CACNA2D3: variants seen among roughly 807,000 people sequenced by gnomAD.
The protein encoded by CACNA2D3 is voltage-dependent calcium channel subunit alpha-2/delta-3.
CACNA2D3 carries 60 observed loss-of-function variants against 160.6 expected under a neutral mutation model. That is an observed-to-expected ratio of 0.37 (90% CI 0.30 to 0.46). The LOEUF is 0.46. Among genes scored for constraint, CACNA2D3 ranks in the 20% least tolerant of loss-of-function variants. The pLI is 1.00. For synonymous variants in CACNA2D3, 558 were observed against 492.9 expected, an observed-to-expected ratio of 1.13 and a Z score of -1.75; for missense variants, 1,205 against 1,365.0, an observed-to-expected ratio of 0.88 and a Z score of 1.85.
At chr3:54,729,163 C>T (rs922877178) in intron 11 of CACNA2D3, among the ~76,000 whole-genome samples, 6 of 152,086 alleles carry the variant, frequency 3.9e-5, no homozygotes, top group Admixed American at 2.0e-4. Context: ...TCATGTGATC[C>T]ACCCGCCTCG....
At chr3:54,998,568 C>G (rs1389251950) in intron 31 of CACNA2D3, among the ~76,000 whole-genome samples, 1 of 152,120 alleles carries the variant, frequency 6.6e-6, no homozygotes, top group Non-Finnish European at 1.5e-5. Context: ...TGATTTGGTG[C>G]CAACAGACCC....
At chr3:54,462,942 C>T (rs1023541565) in intron 4 of CACNA2D3, among the ~76,000 whole-genome samples, 4 of 149,890 alleles carry the variant, frequency 2.7e-5, no homozygotes, top group African/African-American at 9.8e-5. Context: ...TTTAGTGCTT[C>T]CTTCAGGAGC....
At chr3:54,166,308 A>G (rs547133201) in intron 2 of CACNA2D3, among the ~76,000 whole-genome samples, 2 of 152,204 alleles carry the variant, frequency 1.3e-5, no homozygotes, top group Non-Finnish European at 2.9e-5. Context: ...TATTCTCCCG[A>G]GGCTGACAGC....
intron 31 of CACNA2D3, among the ~76,000 whole-genome samples, chr3:54,989,645 T>G (rs971883448): frequency 6.6e-6 from 1 of 152,184 alleles, no homozygotes; most frequent in Non-Finnish European, 1.5e-5. Flanking sequence ...TGACAATAAT[T>G]ACTTCCAAGG....
intron 9 of CACNA2D3, among the ~76,000 whole-genome samples, chr3:54,615,695 G>A (rs191367664): frequency 1.3e-5 from 2 of 152,154 alleles, no homozygotes; most frequent in Non-Finnish European, 2.9e-5. Context: ...GAGTATATTA[G>A]TTATCTGCTG....
At chr3:54,262,064 T>C (rs1254586703) in intron 2 of CACNA2D3, among the ~76,000 whole-genome samples, 5 of 152,160 alleles carry the variant, frequency 3.3e-5, no homozygotes, top group African/African-American at 1.2e-4. Context: ...GATTTTTTGC[T>C]GCTGCTCTCT....
At chr3:54,495,796 G>C (rs1701193695) in intron 4 of CACNA2D3, among the ~76,000 whole-genome samples, 1 of 152,112 alleles carries the variant, frequency 6.6e-6, no homozygotes, top group Admixed American at 6.5e-5. Flanking sequence ...ACTCCAGGAA[G>C]CTCTGTTGTG....
intron 27 of CACNA2D3, among the ~76,000 whole-genome samples, chr3:54,951,616 G>C (rs1455066878): frequency 1.3e-5 from 2 of 152,184 alleles, no homozygotes; most frequent in African/African-American, 4.8e-5. Flanking sequence ...CCACAGGGCG[G>C]CTGGCTCTGA....
intron 4 of CACNA2D3, among the ~76,000 whole-genome samples, chr3:54,485,792 G>T (rs1701006711): frequency 6.6e-6 from 1 of 152,132 alleles, no homozygotes. Context: ...TTGAACTCCT[G>T]ACCTCAATTG....
chr3:55,073,209 C>A (rs1704855267), intron 35 of CACNA2D3, among the ~76,000 whole-genome samples: 1 of 152,122 alleles, frequency 6.6e-6, no homozygotes, highest in Non-Finnish European at 1.5e-5. Context: ...TTCAGTCTTT[C>A]CAAGGTGAGT....
chr3:54,246,348 C>T (rs1169058501), intron 2 of CACNA2D3, among the ~76,000 whole-genome samples: 1 of 152,094 alleles, frequency 6.6e-6, no homozygotes, highest in Non-Finnish European at 1.5e-5. Context: ...GTCACATGTT[C>T]TTTTTGCCCA....
intron 11 of CACNA2D3, among the ~76,000 whole-genome samples, chr3:54,695,183 A>G (rs1229115218): frequency 6.6e-6 from 1 of 151,886 alleles, no homozygotes; most frequent in Non-Finnish European, 1.5e-5. Flanking sequence ...ATGCGCAGCT[A>G]ATTTTTGTAT....
At chr3:54,422,656 AAAT>A (rs202046541) in intron 4 of CACNA2D3, among the ~76,000 whole-genome samples, 115 of 152,234 alleles carry the variant, frequency 7.6e-4, no homozygotes, top group African/African-American at 1.8e-3. Flanking sequence ...TCAGTTGGCA[AAAT>A]AATAATGATG....
intron 34 of CACNA2D3, among the ~76,000 whole-genome samples, chr3:55,014,872 A>G (rs1703294834): frequency 2.0e-5 from 3 of 152,252 alleles, no homozygotes; most frequent in Admixed American, 2.0e-4. Flanking sequence ...AGTAAGTTCT[A>G]GCCATGTTAT....
intron 3 of CACNA2D3, among the ~76,000 whole-genome samples, chr3:54,347,002 G>A (rs1698471129): frequency 6.6e-6 from 1 of 152,146 alleles, no homozygotes; most frequent in Non-Finnish European, 1.5e-5. Flanking sequence ...TTTATAATGG[G>A]TTTAGATTCG....
chr3:54,151,984 T>A (rs1700160386), intron 2 of CACNA2D3, among the ~76,000 whole-genome samples: 1 of 152,240 alleles, frequency 6.6e-6, no homozygotes. Context: ...AAATGCCACC[T>A]CTTCTATGAA....
At chr3:54,819,768 C>G (rs1027283304) in intron 14 of CACNA2D3, among the ~76,000 whole-genome samples, 1 of 152,062 alleles carries the variant, frequency 6.6e-6, no homozygotes, top group African/African-American at 2.4e-5. Flanking sequence ...TTGCTTGAAC[C>G]TGGGAGGTGG....
At chr3:54,829,745 G>C (rs1302159138) in intron 14 of CACNA2D3, among the ~76,000 whole-genome samples, 1 of 152,010 alleles carries the variant, frequency 6.6e-6, no homozygotes, top group Non-Finnish European at 1.5e-5. Context: ...AAGCTCATGG[G>C]GAGAGGTGAA....
At chr3:54,417,111 G>T (rs1699765838) in intron 4 of CACNA2D3, among the ~76,000 whole-genome samples, 1 of 152,130 alleles carries the variant, frequency 6.6e-6, no homozygotes, top group Non-Finnish European at 1.5e-5. Context: ...GTGTGTTGAG[G>T]TTCTGCCTGA....
Sources: gnomAD v4.1 joint callset for allele counts (sites outside exome capture counted in the v4.1 genomes callset) on GRCh38, gnomAD v4.1.1 for gene constraint, MANE v1.5 for transcripts, NCBI Gene and HGNC (gene_info 2026-07-23, HGNC 2026-07-21) for gene names.